MEI4: variants seen among roughly 807,000 people sequenced by gnomAD.
The protein encoded by MEI4 is meiosis-specific protein MEI4.
MEI4 carries 27 observed loss-of-function variants against 31.4 expected under a neutral mutation model. That is an observed-to-expected ratio of 0.86 (90% CI 0.63 to 1.19). The LOEUF (loss-of-function observed/expected upper bound fraction) is 1.19. MEI4 is among the 50% of genes most tolerant of loss of function. The pLI is 0.00. For missense variants in MEI4, 329 were observed against 398.9 expected (o/e 0.82, Z 1.49); for synonymous variants, 122 against 145.4 (o/e 0.84, Z 1.16).
chr6:77,861,223 T>C (rs1483054), intron 4 of MEI4, among the ~76,000 whole-genome samples: 58,857 of 151,994 alleles, frequency 0.39, 12,370 homozygotes, highest in African/African-American at 0.57. Flanking sequence ...AAGGGAATTA[T>C]AGGTTGGTAC....
intron 4 of MEI4, among the ~76,000 whole-genome samples, chr6:77,875,993 A>T (rs1771325707): frequency 6.6e-6 from 1 of 152,160 alleles, no homozygotes; most frequent in Non-Finnish European, 1.5e-5. Context: ...TACATAACTG[A>T]CTTCTCCAAG....
At chr6:77,877,415 C>G (rs1001233221) in intron 4 of MEI4, among the ~76,000 whole-genome samples, 1 of 152,066 alleles carries the variant, frequency 6.6e-6, no homozygotes, top group African/African-American at 2.4e-5. Context: ...AATCTTTTGA[C>G]AGTTGAAATG....
At chr6:77,900,309 CATATG>C (rs555852014) in intron 4 of MEI4, among the ~76,000 whole-genome samples, 54 of 151,920 alleles carry the variant, frequency 3.6e-4, no homozygotes, top group Non-Finnish European at 2.5e-4. Flanking sequence ...ATATTTCTAC[CATATG>C]TTCCAACAAT....
At chr6:77,715,840 T>C (rs1442526071) in intron 2 of MEI4, among the ~76,000 whole-genome samples, 1 of 152,206 alleles carries the variant, frequency 6.6e-6, no homozygotes, top group Non-Finnish European at 1.5e-5. Flanking sequence ...TTTTATTCAA[T>C]GGCGAAATGA....
intron 4 of MEI4, among the ~76,000 whole-genome samples, chr6:77,867,873 A>C (rs1771087596): frequency 6.6e-6 from 1 of 152,190 alleles, no homozygotes; most frequent in South Asian, 2.1e-4. Context: ...TGCACCATGG[A>C]ATACTATGCA....
Position 77,701,141 on chromosome 6 carries a change from T to C in MEI4, c.232+10238T>C, listed in dbSNP as rs186955515. Among the ~76,000 whole-genome samples, 790 of 152,228 alleles carry C rather than the reference T, an allele frequency of 5.2e-3. 7 individuals are homozygous for C. Among genetic ancestry groups the C allele is most frequent in the African/African-American group, 0.019 (771 of 41,562 alleles). ...ATTACTTACATTTTATTTTATAGAA[T>C]CTCTTTTTAAATTTATTTTTATTAA... On this transcript the variant is annotated intron_variant, in intron 2 of 4. Transcript: ENST00000684080.
chr6:77,651,030 A>G (rs1217006912), upstream of MEI4, among the ~76,000 whole-genome samples: 2 of 152,180 alleles, frequency 1.3e-5, no homozygotes, highest in Non-Finnish European at 1.5e-5. Flanking sequence ...CTTTTGTCTC[A>G]AGGACCTCAC....
In MEI4 at chr6:77,773,269, A is replaced by G. The variant is rs567199394; in HGVS notation, c.768+11604A>G. 2.6e-5 allele frequency among the ~76,000 whole-genome samples: 4 copies of G among 152,040 alleles called. 1 individual carries two copies. The South Asian group carries it at 8.3e-4, about 31-fold the overall frequency. On this transcript the variant is annotated intron_variant, in intron 3 of 4. Coordinates refer to ENST00000684080, the MANE Select transcript of MEI4 (RefSeq NM_001322247.2). ...GGGCAAAAAGAACAAAGATGGAGGAATCACATTACCACTATACTGGAGAGC... is the reference window on the plus strand; with the variant it reads ...GGGCAAAAAGAACAAAGATGGAGGAGTCACATTACCACTATACTGGAGAGC...
intron 2 of MEI4, among the ~76,000 whole-genome samples, chr6:77,694,822 C>T (rs1222970114): frequency 6.6e-6 from 1 of 151,282 alleles, no homozygotes; most frequent in Admixed American, 6.6e-5. Flanking sequence ...GTTCTAGATC[C>T]CTGAGGAATC....
At chr6:77,920,782 G>A (rs1009178204) in intron 4 of MEI4, among the ~76,000 whole-genome samples, 2 of 151,844 alleles carry the variant, frequency 1.3e-5, no homozygotes, top group Non-Finnish European at 2.9e-5. Flanking sequence ...GCATCCATCA[G>A]AGCTTTTGGA....
chr6:77,800,968 C>A, intron 3 of MEI4, among the ~76,000 whole-genome samples: 1 of 152,052 alleles, frequency 6.6e-6, no homozygotes, highest in Non-Finnish European at 1.5e-5. Context: ...TTGGTTGTGT[C>A]TCTGCCAGGC....
At chr6:77,667,068 AAC>A (rs1768653101) in intron 1 of MEI4, among the ~76,000 whole-genome samples, 1 of 152,178 alleles carries the variant, frequency 6.6e-6, no homozygotes, top group Non-Finnish European at 1.5e-5. Flanking sequence ...GAATATTATA[AAC>A]ACAGTTTTAC....
In MEI4 at chr6:77,902,801, C is replaced by A. The variant is rs150815758; in HGVS notation, c.901-20288C>A. ...AGCCCCCTCCTGGCTTCAAGTATCA[C>A]CTTTGCTTCAAGTTGTCCCGCCTCA... On this transcript the variant is annotated intron_variant, in intron 4 of 4. Transcript: ENST00000684080. 5.0e-3 allele frequency among the ~76,000 whole-genome samples: 756 copies of A among 152,224 alleles called. 2 individuals carry two copies. Among genetic ancestry groups the A allele is most frequent in the Middle Eastern group, 0.017 (5 of 294 alleles).
At chr6:77,783,783 T>C (rs530632550) in intron 3 of MEI4, among the ~76,000 whole-genome samples, 1 of 152,234 alleles carries the variant, frequency 6.6e-6, no homozygotes, top group African/African-American at 2.4e-5. Context: ...TCAAATAAAA[T>C]CAAATCAACT....
At chr6:77,876,677 C>T (rs1771348421) in intron 4 of MEI4, among the ~76,000 whole-genome samples, 1 of 152,146 alleles carries the variant, frequency 6.6e-6, no homozygotes, top group Non-Finnish European at 1.5e-5. Context: ...TTAGTTTCCT[C>T]TGCCTTCCCT....
Position 77,780,789 on chromosome 6 carries a change from G to C in MEI4, c.768+19124G>C, listed in dbSNP as rs117640407. On this transcript the variant is annotated intron_variant, in intron 3 of 4. Transcript: ENST00000684080. Reference sequence around the variant, plus strand: ...TAATATTGTCTTATTGAATTGAATAGTTGAATTGATGAGTATCTAATGTCT... The same window carrying C: ...TAATATTGTCTTATTGAATTGAATACTTGAATTGATGAGTATCTAATGTCT... Among the ~76,000 whole-genome samples the C allele has an allele frequency of 7.2e-5, 11 of 152,222 alleles. No homozygotes were observed. In the East Asian group the frequency reaches 2.1e-3, roughly 29 times the overall value.
At chr6:77,695,656 G>A (rs947016495) in intron 2 of MEI4, among the ~76,000 whole-genome samples, 1 of 152,120 alleles carries the variant, frequency 6.6e-6, no homozygotes, top group Non-Finnish European at 1.5e-5. Flanking sequence ...ATGCTGTTTT[G>A]GTTACTGTAG....
At chr6:77,691,036 A>G (rs1769148259) in intron 2 of MEI4, 133 bp downstream of exon 2, 2 of 423,074 alleles carry the variant, frequency 4.7e-6, no homozygotes, top group East Asian at 3.6e-5. Context: ...CTAGCCTTAT[A>G]CATTTTTTTA....
intron 2 of MEI4, among the ~76,000 whole-genome samples, chr6:77,698,385 G>A (rs1384647464): frequency 1.3e-5 from 2 of 152,118 alleles, no homozygotes; most frequent in Non-Finnish European, 2.9e-5. Context: ...CATTTTGGCA[G>A]GTTTTTGCAG....
Sources: allele counts gnomAD v4.1 joint callset (sites outside exome capture counted in the v4.1 genomes callset), GRCh38; gene constraint gnomAD v4.1.1; transcripts MANE v1.5; gene names NCBI Gene and HGNC (gene_info 2026-07-23, HGNC 2026-07-21).